Variants in SLC25A15 observed in about 807,000 individuals in gnomAD.
The protein encoded by SLC25A15 is solute carrier family 25 member 15.
In SLC25A15, 24 loss-of-function variants were observed where a neutral mutation model predicts 32.3. The observed-to-expected ratio is 0.74, with a 90% CI of 0.54 to 1.04. The LOEUF is 1.04. Among genes scored for constraint, SLC25A15 ranks in the 50% least tolerant of loss-of-function variants. The probability of loss-of-function intolerance (pLI) is 0.00; values close to 1 mark genes in which losing one functional copy is unlikely to be tolerated. For missense variants in SLC25A15, 317 were observed against 374.5 expected (o/e 0.85, Z 1.27); for synonymous variants, 132 against 142.1 (o/e 0.93, Z 0.51).
At chr13:40,798,482 T>C (rs1297215510) in intron 2 of SLC25A15, among the ~76,000 whole-genome samples, 1 of 152,204 alleles carries the variant, frequency 6.6e-6, no homozygotes, top group Non-Finnish European at 1.5e-5. Flanking sequence ...TTAGCCAGAC[T>C]CCTTGTTTCC....
At chr13:40,795,483 G>A (rs902150635) in intron 2 of SLC25A15, among the ~76,000 whole-genome samples, 1 of 152,220 alleles carries the variant, frequency 6.6e-6, no homozygotes, top group African/African-American at 2.4e-5. Context: ...TGGTGGGCAT[G>A]TTTTGAACAT....
At position 40,811,892 on chromosome 13, in the gene SLC25A15, C is replaced by G. The variant is rs1434181030; in HGVS notation, c.*2225C>G. Among the ~76,000 whole-genome samples, 1 of 152,172 alleles carries G rather than the reference C, an allele frequency of 6.6e-6. No individual in the cohort carries two copies. Among genetic ancestry groups the G allele is most frequent in the Middle Eastern group, 3.2e-3 (1 of 316 alleles). On this transcript the variant is annotated 3_prime_UTR_variant, in exon 7 of 7. Transcript: ENST00000338625. ...CTCTGTGGCAACTGTAATCACAGAGCCAGAAGCCAGAGGGCCAGGGATATG... is the reference window on the plus strand; with the variant it reads ...CTCTGTGGCAACTGTAATCACAGAGGCAGAAGCCAGAGGGCCAGGGATATG...
In SLC25A15 at chr13:40,809,937, A is replaced by T; in HGVS notation, c.*270A>T. 1 of 456,726 alleles carries T rather than the reference A, an allele frequency of 2.2e-6. No individual in the cohort carries two copies. Among genetic ancestry groups the T allele is most frequent in the Non-Finnish European group, 4.0e-6 (1 of 247,494 alleles). The allele number at this position is 456,726 out of a possible 1,614,324, so 28.3% of individuals were successfully genotyped here. A position where few individuals can be genotyped will look rare whatever the true frequency, so the allele number is the denominator to read the frequency against. ...GTCAGTAGCCTTATGCACCTAATTCAAAAGGTGGAATATAGTTCTGTCAGG... is the reference window on the plus strand; with the variant it reads ...GTCAGTAGCCTTATGCACCTAATTCTAAAGGTGGAATATAGTTCTGTCAGG... On this transcript the variant is annotated 3_prime_UTR_variant, in exon 7 of 7. Transcript: ENST00000338625.
chr13:40,798,288 A>AAC (rs1257386798), intron 2 of SLC25A15, among the ~76,000 whole-genome samples: 1 of 152,034 alleles, frequency 6.6e-6, no homozygotes, highest in East Asian at 1.9e-4. Context: ...TCAAAAAAAA[A>AAC]AAAAAAATTA....
At chr13:40,806,018 A>C (rs949156863) in intron 4 of SLC25A15, among the ~76,000 whole-genome samples, 4 of 152,210 alleles carry the variant, frequency 2.6e-5, no homozygotes, top group South Asian at 2.1e-4. Context: ...AAAAAGCAGT[A>C]GATAAATTGA....
At chr13:40,793,537 G>A (rs925740722) in intron 2 of SLC25A15, among the ~76,000 whole-genome samples, 2 of 152,200 alleles carry the variant, frequency 1.3e-5, no homozygotes, top group Non-Finnish European at 2.9e-5. Flanking sequence ...CTAGGGTCAG[G>A]TGTGTATGCT....
In SLC25A15 at chr13:40,809,191, CCTGCCA is replaced by C. The variant is rs566023681; in HGVS notation, c.782-346_782-341del. Among the ~76,000 whole-genome samples, 263 of 152,300 alleles carry C rather than the reference CCTGCCA, an allele frequency of 1.7e-3. 1 individual carries two copies. Among genetic ancestry groups the C allele is most frequent in the African/African-American group, 6.2e-3 (256 of 41,564 alleles). ...GGTCTCCAACTTCAAGGTTGGTGTT[CCTGCCA>C]CTGCCCAGGTGAAGCTGCAAAGCTG... On this transcript the variant is annotated intron_variant, in intron 6 of 6. Coordinates refer to ENST00000338625, the MANE Select transcript of SLC25A15 (RefSeq NM_014252.4).
chr13:40,803,472 A>G (rs1881981718), intron 3 of SLC25A15, among the ~76,000 whole-genome samples: 1 of 152,218 alleles, frequency 6.6e-6, no homozygotes. Flanking sequence ...TACAGGTATG[A>G]GCCACCACGC....
intron 1 of SLC25A15, among the ~76,000 whole-genome samples, chr13:40,790,264 C>T (rs2138036472): frequency 6.6e-6 from 1 of 152,292 alleles, no homozygotes; most frequent in East Asian, 1.9e-4. Flanking sequence ...TACTGACTCT[C>T]CCTTCCAAAA....
intron 1 of SLC25A15, among the ~76,000 whole-genome samples, chr13:40,791,356 T>C (rs1052541408): frequency 1.4e-5 from 2 of 144,124 alleles, no homozygotes; most frequent in Non-Finnish European, 3.0e-5. Flanking sequence ...TTTTCTATTA[T>C]TATTATTATT....
chr13:40,800,864 G>A (rs907586028), intron 3 of SLC25A15, among the ~76,000 whole-genome samples: 6 of 152,198 alleles, frequency 3.9e-5, no homozygotes, highest in South Asian at 2.1e-4. Context: ...GGGAAATTAC[G>A]TCACAGTGTC....
intron 1 of SLC25A15, among the ~76,000 whole-genome samples, chr13:40,792,511 G>T (rs757026858): frequency 1.9e-4 from 29 of 152,232 alleles, no homozygotes; most frequent in Non-Finnish European, 3.7e-4. Context: ...CTTGCGCAGG[G>T]CCTTGTTCTA....
chr13:40,797,862 C>T (rs1881719575), intron 2 of SLC25A15, among the ~76,000 whole-genome samples: 1 of 152,200 alleles, frequency 6.6e-6, no homozygotes, highest in Admixed American at 6.5e-5. Context: ...GAGCTCCTCT[C>T]AGGTCCAGAA....
rs1882394622 is a variant in SLC25A15, at chr13:40,810,326, T to A, written c.*659T>A. ...GGTACGCGCCACCATGTCCAGCTAA[T>A]TTTTTTTGGTATTTTTTGTAGAGAC... is the stretch of plus-strand genomic sequence containing the variant. On this transcript the variant is annotated 3_prime_UTR_variant, in exon 7 of 7. Transcript: ENST00000338625. Among the ~76,000 whole-genome samples, 1 of 151,960 alleles carries A rather than the reference T, an allele frequency of 6.6e-6. No homozygotes were observed. The highest frequency in any genetic ancestry group is 1.5e-5 in the Non-Finnish European group (1 of 67,976).
In SLC25A15 at chr13:40,811,308, G is replaced by T. The variant is rs149457069; in HGVS notation, c.*1641G>T. Reference sequence around the variant, plus strand: ...GTTCGAGAACAGCCTGACCAACATGGTGAAACCCCATCTCTACTAAAAATA... The same window carrying T: ...GTTCGAGAACAGCCTGACCAACATGTTGAAACCCCATCTCTACTAAAAATA... On this transcript the variant is annotated 3_prime_UTR_variant, in exon 7 of 7. Coordinates refer to ENST00000338625, the MANE Select transcript of SLC25A15 (RefSeq NM_014252.4). Among the ~76,000 whole-genome samples the T allele has an allele frequency of 0.064, 9,701 of 152,166 alleles. 369 individuals carry two copies. The highest frequency in any genetic ancestry group is 0.089 in the Middle Eastern group (26 of 292).
chr13:40,793,200 A>G lies in SLC25A15; in HGVS notation c.-27A>G, dbSNP rs778530206. The G allele has an allele frequency of 1.9e-6, 3 of 1,613,680 alleles. No homozygotes were observed. The highest frequency in any genetic ancestry group is 1.7e-5 in the Admixed American group (1 of 59,962). On this transcript the variant is annotated 5_prime_UTR_variant, in exon 2 of 7. Transcript: ENST00000338625. The stretch of plus-strand genomic sequence containing the variant: ...CATAAGCTCCAGAGAGCTGCCTTCC[A>G]CAAGACCAGCAGAAGAGTGGGCAAA...
chr13:40,809,653 T>C lies in SLC25A15; in HGVS notation c.892T>C (p.Leu298=), dbSNP rs1882363920. Reference sequence around the variant, plus strand: ...TAGCAGGAAGTTGATGATGAACCAGTTGGAAGCATACTGAAGTGTCTTGGT... The same window carrying C: ...TAGCAGGAAGTTGATGATGAACCAGCTGGAAGCATACTGAAGTGTCTTGGT... ...EYSRKLMMNQ[L]EAY is the part of the protein sequence containing the mutation. The change falls in exon 7 of 7, where the codon TTG becomes CTG. Residue 298 remains leucine, a synonymous_variant. Coordinates refer to ENST00000338625, the MANE Select transcript of SLC25A15 (RefSeq NM_014252.4). 4 of 1,613,208 alleles carry C rather than the reference T, an allele frequency of 2.5e-6. No homozygotes were observed. The highest frequency in any genetic ancestry group is 2.7e-5 in the African/African-American group (2 of 74,886).
At chr13:40,789,989 A>G (rs1593287038) in intron 1 of SLC25A15, among the ~76,000 whole-genome samples, 1 of 152,090 alleles carries the variant, frequency 6.6e-6, no homozygotes, top group African/African-American at 2.4e-5. Flanking sequence ...CTGGCTGCCC[A>G]GGAGTGGGCG....
chr13:40,811,338 A>C lies in SLC25A15; in HGVS notation c.*1671A>C, dbSNP rs987430436. Among the ~76,000 whole-genome samples, 2 of 152,004 alleles carry C rather than the reference A, an allele frequency of 1.3e-5. No homozygotes were observed. Among genetic ancestry groups the C allele is most frequent in the Non-Finnish European group, 2.9e-5 (2 of 67,976 alleles). On this transcript the variant is annotated 3_prime_UTR_variant, in exon 7 of 7. Transcript: ENST00000338625. The stretch of plus-strand genomic sequence containing the variant: ...ACCCCATCTCTACTAAAAATACAAA[A>C]ATTAGCTGGGCGTGGTGGCACGTGC...
Sources: allele counts gnomAD v4.1 joint callset (sites outside exome capture counted in the v4.1 genomes callset), GRCh38; gene constraint gnomAD v4.1.1; transcripts MANE v1.5; gene names NCBI Gene and HGNC (gene_info 2026-07-23, HGNC 2026-07-21).